The following SLC17A5 variants were observed in gnomAD, a reference collection of about 807,000 sequenced individuals.
The protein encoded by SLC17A5 is solute carrier family 17 member 5.
SLC17A5 carries 47 observed loss-of-function variants against 59.4 expected under a neutral mutation model. The observed-to-expected ratio is 0.79, with a 90% CI of 0.63 to 1.01. SLC17A5 has a LOEUF of 1.01. Among genes scored for constraint, SLC17A5 ranks in the 50% least tolerant of loss-of-function variants. The pLI is 0.00. For missense variants in SLC17A5, 522 were observed against 595.5 expected, an observed-to-expected ratio of 0.88 and a Z score of 1.28; for synonymous variants, 202 against 210.7, an observed-to-expected ratio of 0.96 and a Z score of 0.36.
chr6:73,625,312 G>A (rs772463001), intron 6 of SLC17A5, among the ~76,000 whole-genome samples: 3 of 151,926 alleles, frequency 2.0e-5, no homozygotes, highest in Non-Finnish European at 2.9e-5. Flanking sequence ...TCAGCCTCCC[G>A]AGTAGCTGGG....
rs1205435516 is a variant in SLC17A5, at chr6:73,593,969, A to G, written c.*1108T>C. The G allele has an allele frequency of 6.6e-6, 1 of 152,052 alleles. No homozygotes were observed. The highest frequency in any genetic ancestry group is 1.5e-5 in the Non-Finnish European group (1 of 68,020). 9.4% of individuals were successfully genotyped at this position (152,052 alleles called of 1,614,324 possible). Reference sequence around the variant, plus strand: ...GTGATCCATGTGAGAGTAGATTTAAACCAGGATGATCTTATTTGTGATTGA... The same window carrying G: ...GTGATCCATGTGAGAGTAGATTTAAGCCAGGATGATCTTATTTGTGATTGA... On this transcript the variant is annotated 3_prime_UTR_variant, in exon 11 of 11. Coordinates refer to ENST00000355773, the MANE Select transcript of SLC17A5 (RefSeq NM_012434.5).
At chr6:73,638,567 TAAGTA>T in intron 3 of SLC17A5, 68 bp from the exon 4 acceptor site, 7 of 1,243,026 alleles carry the variant, frequency 5.6e-6, no homozygotes, top group Non-Finnish European at 8.2e-6. Context: ...TAAAGTAAGT[TAAGTA>T]TTTTGCTACA....
At chr6:73,608,396 T>C (rs1767493271) in intron 9 of SLC17A5, among the ~76,000 whole-genome samples, 1 of 152,164 alleles carries the variant, frequency 6.6e-6, no homozygotes, top group Non-Finnish European at 1.5e-5. Context: ...GTAGTCCTGA[T>C]TGTTGCTGGC....
chr6:73,608,021 C>A (rs1187224259), intron 9 of SLC17A5, among the ~76,000 whole-genome samples: 1 of 152,102 alleles, frequency 6.6e-6, no homozygotes, highest in Non-Finnish European at 1.5e-5. Flanking sequence ...AGGTGATCCA[C>A]CCGCCTCAGC....
intron 8 of SLC17A5, among the ~76,000 whole-genome samples, chr6:73,612,833 C>T (rs1460120733): frequency 6.6e-6 from 1 of 152,192 alleles, no homozygotes; most frequent in Non-Finnish European, 1.5e-5. Flanking sequence ...GGGAGGATCG[C>T]TTGAGCCCAG....
intron 7 of SLC17A5, among the ~76,000 whole-genome samples, chr6:73,619,902 TAATATGATTTTGAGAATTTG>T: frequency 6.6e-6 from 1 of 151,490 alleles, no homozygotes; most frequent in African/African-American, 2.4e-5. Flanking sequence ...GATATTTTGT[TAATATGATTTTGAGAATTTG>T]TTTTTTTTTT....
chr6:73,610,811 T>G (rs1236320159), intron 8 of SLC17A5, among the ~76,000 whole-genome samples: 1 of 152,184 alleles, frequency 6.6e-6, no homozygotes, highest in Non-Finnish European at 1.5e-5. Context: ...TTCCATGGTG[T>G]TAGAGAAGAA....
chr6:73,603,864 T>G (rs1396914682), intron 9 of SLC17A5, among the ~76,000 whole-genome samples: 1 of 151,834 alleles, frequency 6.6e-6, no homozygotes, highest in Non-Finnish European at 1.5e-5. Context: ...AGACTCTAGA[T>G]CCTAGGGGGT....
chr6:73,624,276 C>A (rs958595327), intron 6 of SLC17A5, among the ~76,000 whole-genome samples: 1 of 151,750 alleles, frequency 6.6e-6, no homozygotes, highest in African/African-American at 2.4e-5. Context: ...TGGTGGTGCG[C>A]AGCAGTAATT....
chr6:73,602,471 A>ACAC (rs1485602290), intron 9 of SLC17A5, among the ~76,000 whole-genome samples: 1 of 151,928 alleles, frequency 6.6e-6, no homozygotes, highest in South Asian at 2.1e-4. Flanking sequence ...AACAACAACA[A>ACAC]AAAACATTAA....
At chr6:73,638,241 T>C (rs562907230) in intron 4 of SLC17A5, among the ~76,000 whole-genome samples, 171 bp downstream of exon 4, 5 of 152,302 alleles carry the variant, frequency 3.3e-5, no homozygotes, top group Non-Finnish European at 7.4e-5. Flanking sequence ...TTACTATAAG[T>C]TGTTGAGCCA....
At chr6:73,624,567 A>G (rs1368587525) in intron 6 of SLC17A5, among the ~76,000 whole-genome samples, 1 of 151,998 alleles carries the variant, frequency 6.6e-6, no homozygotes, top group Non-Finnish European at 1.5e-5. Flanking sequence ...ATCATAGTAC[A>G]TATAGATAAC....
chr6:73,602,436 A>T (rs1412421965), intron 9 of SLC17A5, among the ~76,000 whole-genome samples: 9 of 132,398 alleles, frequency 6.8e-5, no homozygotes, highest in African/African-American at 1.8e-4. Context: ...AATGATCAAT[A>T]AAAAAAATAA....
chr6:73,652,623 A>G (rs1769922957), intron 1 of SLC17A5, among the ~76,000 whole-genome samples: 2 of 152,252 alleles, frequency 1.3e-5, no homozygotes, highest in African/African-American at 4.8e-5. Context: ...GGAATATTAT[A>G]CAATTTGAAC....
Position 73,621,893 on chromosome 6 carries a change from C to A in SLC17A5, c.889G>T (p.Ala297Ser). The change falls in exon 7 of 11, where the codon GCA becomes TCA. Residue 297 changes from alanine (A) to serine (S), a missense_variant. By Grantham distance (99) the Ala-to-Ser change is moderately conservative. Coordinates refer to ENST00000355773, the MANE Select transcript of SLC17A5 (RefSeq NM_012434.5). ...AAAGTCCAGTTGTAAGAAAAGTGTG[C>A]AACTACGATAGCCCAAAGTGGCAGG... Reference protein sequence around the residue: ...KSLPLWAIVVAHFSYNWTFYT... With the variant: ...KSLPLWAIVVSHFSYNWTFYT... The A allele has an allele frequency of 6.2e-7, 1 of 1,613,778 alleles. No individual in the cohort carries two copies. Among genetic ancestry groups the A allele is most frequent in the Non-Finnish European group, 8.5e-7 (1 of 1,179,764 alleles).
At chr6:73,615,476 A>G in intron 7 of SLC17A5, 29 bp from the exon 8 acceptor site, 6 of 1,612,642 alleles carry the variant, frequency 3.7e-6, no homozygotes, top group Middle Eastern at 1.7e-4. Context: ...TACAGGATTA[A>G]TTACGGTGAG....
At chr6:73,647,785 C>A (rs560281945) in intron 1 of SLC17A5, among the ~76,000 whole-genome samples, 54 of 152,160 alleles carry the variant, frequency 3.5e-4, no homozygotes, top group Admixed American at 2.1e-3. Context: ...AAATAAAAAG[C>A]GGCCAGGCAC....
At chr6:73,598,160 T>C (rs1766902461) in intron 10 of SLC17A5, among the ~76,000 whole-genome samples, 1 of 152,254 alleles carries the variant, frequency 6.6e-6, no homozygotes, top group African/African-American at 2.4e-5. Context: ...TCAATCGTTG[T>C]ACTACAAGTC....
chr6:73,608,781 T>C (rs1393679431), intron 9 of SLC17A5, among the ~76,000 whole-genome samples: 1 of 152,176 alleles, frequency 6.6e-6, no homozygotes, highest in Non-Finnish European at 1.5e-5. Context: ...TTCGGGGGGC[T>C]GAGGCGGGAA....
Sources: allele counts gnomAD v4.1 joint callset (sites outside exome capture counted in the v4.1 genomes callset), GRCh38; gene constraint gnomAD v4.1.1; transcripts MANE v1.5; gene names NCBI Gene and HGNC (gene_info 2026-07-23, HGNC 2026-07-21).